The following STARD13 variants were observed in gnomAD, a reference collection of about 807,000 sequenced individuals.
The protein encoded by STARD13 is stAR-related lipid transfer protein 13.
Under a neutral mutation model 106.4 loss-of-function variants are expected in STARD13, and 62 were observed. The observed-to-expected ratio is 0.58, with a 90% confidence interval of 0.48 to 0.72. The LOEUF (loss-of-function observed/expected upper bound fraction) is 0.72. Among genes scored for constraint, STARD13 ranks in the 30% least tolerant of loss-of-function variants. The probability of loss-of-function intolerance (pLI) is 0.00; values close to 1 mark genes in which losing one functional copy is unlikely to be tolerated. For synonymous variants in STARD13, 565 were observed against 553.0 expected, an observed-to-expected ratio of 1.02 and a Z score of -0.31; for missense variants, 1,387 against 1,424.0, an observed-to-expected ratio of 0.97 and a Z score of 0.42.
At chr13:33,529,389 A>G in the STARD13 span, among the ~76,000 whole-genome samples, 4 of 152,160 alleles carry the variant, frequency 2.6e-5, no homozygotes, top group Non-Finnish European at 5.9e-5. Flanking sequence ...TCACTTGTAC[A>G]TAGTTGATTT....
intron 1 of STARD13, among the ~76,000 whole-genome samples, chr13:33,236,046 C>T (rs971814052): frequency 1.1e-4 from 16 of 152,156 alleles, no homozygotes; most frequent in African/African-American, 3.4e-4. Context: ...TCTCTTAAAG[C>T]TCATTCTAGC....
chr13:33,372,221 CAG>C, the STARD13 span, among the ~76,000 whole-genome samples: 1 of 152,122 alleles, frequency 6.6e-6, no homozygotes, highest in Admixed American at 6.5e-5. Context: ...ATCATAAAGT[CAG>C]GGGTCGAGTA....
intron 1 of STARD13, among the ~76,000 whole-genome samples, chr13:33,199,281 C>A (rs184947502): frequency 6.6e-6 from 1 of 152,250 alleles, no homozygotes; most frequent in East Asian, 1.9e-4. Context: ...CATATCTGTC[C>A]CCAAGACGTG....
chr13:33,410,552 C>T, the STARD13 span, among the ~76,000 whole-genome samples: 3 of 152,166 alleles, frequency 2.0e-5, no homozygotes, highest in Middle Eastern at 3.2e-3. Flanking sequence ...ATCCACAGGA[C>T]CCACCCAGAG....
At chr13:33,586,496 C>A in the STARD13 span, among the ~76,000 whole-genome samples, 4 of 152,150 alleles carry the variant, frequency 2.6e-5, no homozygotes, top group African/African-American at 9.7e-5. Context: ...GATTGCTAAT[C>A]TTCAACAAAA....
At chr13:33,113,155 A>AT (rs1215819551) in intron 8 of STARD13, 1 of 531,530 alleles carries the variant, frequency 1.9e-6, no homozygotes, top group East Asian at 3.0e-5. Context: ...TGAACTTTGG[A>AT]TCCCACGCTC....
At chr13:33,549,284 T>TA in the STARD13 span, among the ~76,000 whole-genome samples, 1 of 151,958 alleles carries the variant, frequency 6.6e-6, no homozygotes, top group Non-Finnish European at 1.5e-5. Context: ...ATTTTTTGTG[T>TA]AATTGAGAAT....
the STARD13 span, among the ~76,000 whole-genome samples, chr13:33,523,397 C>A: frequency 4.6e-5 from 7 of 152,024 alleles, no homozygotes. Context: ...TGTTTACTGT[C>A]AGAAGGACAC....
chr13:33,150,177 A>C (rs1425034684), intron 3 of STARD13, among the ~76,000 whole-genome samples: 4 of 152,234 alleles, frequency 2.6e-5, no homozygotes, highest in Non-Finnish European at 5.9e-5. Context: ...TGCTTTGTTC[A>C]TATAGGTCCA....
intron 7 of STARD13, among the ~76,000 whole-genome samples, chr13:33,124,304 C>T (rs1876815252): frequency 6.6e-6 from 1 of 152,210 alleles, no homozygotes; most frequent in Non-Finnish European, 1.5e-5. Flanking sequence ...GGACTGGGTG[C>T]ATTATAAGGT....
chr13:33,249,338 A>G (rs1389074625), intron 1 of STARD13, among the ~76,000 whole-genome samples: 1 of 152,232 alleles, frequency 6.6e-6, no homozygotes, highest in African/African-American at 2.4e-5. Context: ...CCTTGACCTT[A>G]CTTCTTCATT....
the STARD13 span, among the ~76,000 whole-genome samples, chr13:33,445,250 A>G: frequency 6.6e-6 from 1 of 152,232 alleles, no homozygotes; most frequent in Non-Finnish European, 1.5e-5. Context: ...GTAGATAAAA[A>G]TCCCAGAGTA....
At chr13:33,147,501 G>T (rs1213068690) in intron 3 of STARD13, among the ~76,000 whole-genome samples, 1 of 152,184 alleles carries the variant, frequency 6.6e-6, no homozygotes, top group Non-Finnish European at 1.5e-5. Flanking sequence ...CCAATCATTT[G>T]CTGATTACTA....
the STARD13 span, among the ~76,000 whole-genome samples, chr13:33,624,745 A>G: frequency 2.6e-5 from 4 of 152,226 alleles, no homozygotes; most frequent in Non-Finnish European, 4.4e-5. Flanking sequence ...TAAAGTTTCT[A>G]TCTTGCCAGC....
chr13:33,429,931 G>GT, the STARD13 span, among the ~76,000 whole-genome samples: 3 of 149,372 alleles, frequency 2.0e-5, no homozygotes, highest in Admixed American at 6.6e-5. Context: ...TTTTTTTGGG[G>GT]GGGGGGGACG....
the STARD13 span, among the ~76,000 whole-genome samples, chr13:33,576,626 AG>A: frequency 4.4e-3 from 675 of 152,310 alleles, 5 homozygotes; most frequent in Non-Finnish European, 7.8e-3. Context: ...ACCACATATC[AG>A]TCATCCACAT....
chr13:33,281,399 T>C (rs1289888510), intron 1 of STARD13: 2 of 146,840 alleles, frequency 1.4e-5, no homozygotes, highest in Non-Finnish European at 3.0e-5. Context: ...ATTTGGGTTT[T>C]CCAAATATGT....
At chr13:33,259,205 T>C (rs1468526271) in intron 1 of STARD13, among the ~76,000 whole-genome samples, 1 of 152,210 alleles carries the variant, frequency 6.6e-6, no homozygotes, top group Non-Finnish European at 1.5e-5. Flanking sequence ...GCTGAATAAA[T>C]GTTGAATGAA....
intron 1 of STARD13, among the ~76,000 whole-genome samples, chr13:33,187,390 A>G (rs1471602383): frequency 6.6e-6 from 1 of 152,226 alleles, no homozygotes; most frequent in Admixed American, 6.5e-5. Context: ...TGGACTTTCT[A>G]CTGCTTATCT....
Sources: allele counts gnomAD v4.1 joint callset (sites outside exome capture counted in the v4.1 genomes callset), GRCh38; gene constraint gnomAD v4.1.1; transcripts MANE v1.5; gene names NCBI Gene and HGNC (gene_info 2026-07-23, HGNC 2026-07-21).